Variants in GUCY1A2 observed in about 807,000 individuals in gnomAD.
GUCY1A2 encodes the protein guanylate cyclase 1 soluble subunit alpha 2.
GUCY1A2 carries 27 observed loss-of-function variants against 63.5 expected under a neutral mutation model. That is an observed-to-expected ratio of 0.43 (90% confidence interval 0.31 to 0.59). The LOEUF (loss-of-function observed/expected upper bound fraction) is 0.59, where lower values mean the gene tolerates loss of function less well. Ranked by LOEUF, GUCY1A2 falls within the 20% of genes least tolerant of loss-of-function variation. GUCY1A2 has a pLI of 0.11. For synonymous variants in GUCY1A2, 364 were observed against 343.5 expected (o/e 1.06, Z -0.66); for missense variants, 768 against 913.3 (o/e 0.84, Z 2.05).
intron 4 of GUCY1A2, among the ~76,000 whole-genome samples, chr11:106,811,640 C>T (rs1261354013): frequency 1.3e-5 from 2 of 151,972 alleles, no homozygotes; most frequent in Admixed American, 6.6e-5. Flanking sequence ...ACTTTTCTCC[C>T]TTGTACCATT....
chr11:106,692,180 T>TA (rs1252067581), intron 7 of GUCY1A2, among the ~76,000 whole-genome samples: 1 of 152,182 alleles, frequency 6.6e-6, no homozygotes, highest in Non-Finnish European at 1.5e-5. Context: ...TCAGGGCTGA[T>TA]ATGGAAGGTT....
intron 4 of GUCY1A2, among the ~76,000 whole-genome samples, chr11:106,814,955 G>A (rs181197599): frequency 1.3e-3 from 203 of 152,024 alleles, no homozygotes; most frequent in African/African-American, 4.7e-3. Flanking sequence ...ATCGATTGAC[G>A]CCAACACTAA....
At chr11:106,711,016 C>G (rs767691264) in intron 6 of GUCY1A2, among the ~76,000 whole-genome samples, 8 of 152,108 alleles carry the variant, frequency 5.3e-5, no homozygotes, top group South Asian at 2.1e-4. Context: ...CCCCTTATAA[C>G]CTTTTCACCT....
chr11:106,765,846 A>AT (rs1864153465), intron 6 of GUCY1A2, among the ~76,000 whole-genome samples: 2 of 152,088 alleles, frequency 1.3e-5, no homozygotes. Flanking sequence ...TTCTAAATTC[A>AT]TTTTTTATGA....
intron 4 of GUCY1A2, among the ~76,000 whole-genome samples, chr11:106,869,080 T>C (rs915051930): frequency 6.6e-6 from 1 of 152,218 alleles, no homozygotes; most frequent in African/African-American, 2.4e-5. Context: ...ACTGGATCCC[T>C]TCTTTACACC....
rs986869022 is a variant in GUCY1A2 at position 107,017,507 on chromosome 11, C to G, written c.303+246G>C. 5.9e-5 allele frequency among the ~76,000 whole-genome samples: 9 copies of G among 152,164 alleles called. 1 individual carries two copies. The highest frequency in any genetic ancestry group is 1.7e-4 in the African/African-American group (7 of 41,448). ...TCAAGGCTAGAGGTGGGCAGACAGG[C>G]CCCCGAATCAGGATACCCCAAAGGA... On this transcript the variant is annotated intron_variant, in intron 1 of 7. Coordinates refer to ENST00000526355, the MANE Select transcript of GUCY1A2 (RefSeq NM_000855.3).
intron 4 of GUCY1A2, among the ~76,000 whole-genome samples, chr11:106,921,290 G>A (rs1424559413): frequency 6.6e-6 from 1 of 152,092 alleles, no homozygotes; most frequent in South Asian, 2.1e-4. Flanking sequence ...GACCTGACTA[G>A]AAAAATCCCT....
intron 7 of GUCY1A2, among the ~76,000 whole-genome samples, chr11:106,693,783 G>A (rs559077646): frequency 6.6e-6 from 1 of 151,922 alleles, no homozygotes; most frequent in South Asian, 2.1e-4. Flanking sequence ...CACTCTTGTG[G>A]TATGATTATT....
intron 6 of GUCY1A2, among the ~76,000 whole-genome samples, chr11:106,756,294 T>G (rs182090218): frequency 6.6e-6 from 1 of 152,232 alleles, no homozygotes; most frequent in Non-Finnish European, 1.5e-5. Context: ...GTCTTGACTC[T>G]TCATCCAATT....
chr11:106,937,731 T>C (rs1433285091), intron 4 of GUCY1A2, among the ~76,000 whole-genome samples: 1 of 152,172 alleles, frequency 6.6e-6, no homozygotes, highest in Non-Finnish European at 1.5e-5. Flanking sequence ...ACATATAATA[T>C]ACATATGTGA....
intron 5 of GUCY1A2, among the ~76,000 whole-genome samples, chr11:106,804,949 T>G (rs1005572031): frequency 3.3e-5 from 5 of 152,212 alleles, no homozygotes; most frequent in Admixed American, 3.3e-4. Context: ...CTGGATTTCC[T>G]ACTTTGCTAA....
intron 2 of GUCY1A2, 152 bp downstream of exon 2, chr11:106,985,918 C>A: frequency 1.7e-6 from 1 of 582,710 alleles, no homozygotes; most frequent in South Asian, 2.3e-5. Context: ...CAAGGGACTC[C>A]CCCAATAAGC....
At chr11:106,699,931 G>A (rs1187411381) in intron 7 of GUCY1A2, among the ~76,000 whole-genome samples, 3 of 151,796 alleles carry the variant, frequency 2.0e-5, no homozygotes, top group Non-Finnish European at 2.9e-5. Flanking sequence ...ACAGGCGCCC[G>A]TCCCCTCGCC....
chr11:106,976,317 A>AC, intron 3 of GUCY1A2, among the ~76,000 whole-genome samples: 1 of 151,838 alleles, frequency 6.6e-6, no homozygotes. Flanking sequence ...TTCCTGTGCC[A>AC]CCCCCCAACA....
chr11:106,756,601 T>A (rs1365365364), intron 6 of GUCY1A2, among the ~76,000 whole-genome samples: 2 of 152,196 alleles, frequency 1.3e-5, no homozygotes, highest in African/African-American at 2.4e-5. Context: ...CTCCTTCACT[T>A]ATGAAGCTTA....
chr11:106,770,734 C>T (rs75977164), intron 6 of GUCY1A2, among the ~76,000 whole-genome samples: 3,514 of 151,308 alleles, frequency 0.023, 138 homozygotes, highest in East Asian at 0.11. Context: ...AAAGTTGAAG[C>T]TTAAGGAGCT....
At chr11:106,721,915 C>A (rs1447420481) in intron 6 of GUCY1A2, among the ~76,000 whole-genome samples, 1 of 152,162 alleles carries the variant, frequency 6.6e-6, no homozygotes, top group Non-Finnish European at 1.5e-5. Flanking sequence ...ATCACCTTTT[C>A]AAAGAAGTTC....
In GUCY1A2 at chr11:106,683,010, A is replaced by G. The variant is rs2135328739; in HGVS notation, c.*4539T>C. 4.6e-6 allele frequency: 1 copy of G among 217,046 alleles called. No homozygotes were observed. The highest frequency in any genetic ancestry group is 1.9e-4 in the South Asian group (1 of 5,388). 13.4% of individuals were successfully genotyped at this position (217,046 alleles called of 1,614,324 possible). On this transcript the variant is annotated 3_prime_UTR_variant, in exon 8 of 8. Transcript: ENST00000526355. ...GATCTTGAAATTGAGTCCATAGCTG[A>G]GGTCAACTTACCCATTTAACAATAA... is the stretch of plus-strand genomic sequence containing the variant.
intron 5 of GUCY1A2, among the ~76,000 whole-genome samples, chr11:106,783,569 A>G (rs1285662684): frequency 6.6e-6 from 1 of 152,142 alleles, no homozygotes; most frequent in African/African-American, 2.4e-5. Context: ...CAGTCTGAGG[A>G]CCAGATGAAG....
Sources: gnomAD v4.1 joint callset for allele counts (sites outside exome capture counted in the v4.1 genomes callset) on GRCh38, gnomAD v4.1.1 for gene constraint, MANE v1.5 for transcripts, NCBI Gene and HGNC (gene_info 2026-07-23, HGNC 2026-07-21) for gene names.